Variants in SLC4A8 observed in about 807,000 individuals in gnomAD.
SLC4A8 encodes the protein electroneutral sodium bicarbonate exchanger 1.
In SLC4A8, 40 loss-of-function variants were observed where a neutral mutation model predicts 125.0. The ratio of observed to expected loss-of-function variants is 0.32; its 90% confidence interval spans 0.25 to 0.42. The LOEUF is 0.42. Ranked by LOEUF, SLC4A8 falls within the 10% of genes least tolerant of loss-of-function variation. The pLI is 1.00. For synonymous variants in SLC4A8, 456 were observed against 476.0 expected, an observed-to-expected ratio of 0.96 and a Z score of 0.55; for missense variants, 863 against 1,355.1, an observed-to-expected ratio of 0.64 and a Z score of 5.70.
chr12:51,395,280 A>G (rs1467539290), intron 1 of SLC4A8, among the ~76,000 whole-genome samples: 1 of 151,864 alleles, frequency 6.6e-6, no homozygotes, highest in Non-Finnish European at 1.5e-5. Context: ...ACATGTCTAG[A>G]TTCTGTTAAC....
rs1406079772 is a variant in SLC4A8 at position 51,508,371 on chromosome 12, A to G, written c.*933A>G. ...GATTTGATAATAGTTGTTTGTGAATAGAAAGGAGGATATGATGTTTTTATT... is the reference window on the plus strand; with the variant it reads ...GATTTGATAATAGTTGTTTGTGAATGGAAAGGAGGATATGATGTTTTTATT... On this transcript the variant is annotated 3_prime_UTR_variant, in exon 25 of 25. Coordinates refer to ENST00000453097, the MANE Select transcript of SLC4A8 (RefSeq NM_001039960.3). 1 of 152,674 alleles carries G rather than the reference A, an allele frequency of 6.5e-6. No individual in the cohort carries two copies. The highest frequency in any genetic ancestry group is 6.5e-5 in the Admixed American group (1 of 15,284). The allele number at this position is 152,674 out of a possible 1,614,324, so 9.5% of individuals were successfully genotyped here. A position where few individuals can be genotyped will look rare whatever the true frequency, so the allele number is the denominator to read the frequency against.
At chr12:51,442,369 C>T (rs1949628015) in intron 2 of SLC4A8, among the ~76,000 whole-genome samples, 1 of 152,208 alleles carries the variant, frequency 6.6e-6, no homozygotes. Flanking sequence ...TGTTCTATAG[C>T]AAGCACCACT....
chr12:51,394,717 C>A (rs758739269), intron 1 of SLC4A8, among the ~76,000 whole-genome samples: 2 of 152,140 alleles, frequency 1.3e-5, no homozygotes, highest in African/African-American at 2.4e-5. Flanking sequence ...GGGAGAAGAT[C>A]AAAAACTACC....
chr12:51,416,881 T>C (rs1196589315), intron 1 of SLC4A8, among the ~76,000 whole-genome samples: 3 of 152,132 alleles, frequency 2.0e-5, no homozygotes, highest in Non-Finnish European at 4.4e-5. Context: ...TCCCAGCACA[T>C]TGGGAGGCCA....
chr12:51,467,147 G>T (rs951218264), intron 11 of SLC4A8, among the ~76,000 whole-genome samples: 2 of 152,140 alleles, frequency 1.3e-5, no homozygotes, highest in Admixed American at 1.3e-4. Context: ...ATTGCTGCCT[G>T]CAAGGTTATT....
At position 51,505,910 on chromosome 12, in the gene SLC4A8, T is replaced by G. The variant is rs772545299; in HGVS notation, c.3249T>G (p.Ser1083=). The part of the protein sequence containing the change: ...TTVWKALSMN[S]GNAKEKSLFN ...TTTGGAAAGCTCTCAGTATGAATTC[T>G]GGAAATGCAAAGGAAAAGAGGTAAA... The change falls in exon 24 of 25, where the codon TCT becomes TCG. Residue 1083 remains serine, a synonymous_variant. Coordinates refer to ENST00000453097, the MANE Select transcript of SLC4A8 (RefSeq NM_001039960.3). 35 of 1,557,642 alleles carry G rather than the reference T, an allele frequency of 2.2e-5. No homozygotes were observed. The South Asian group carries it at 3.9e-4, about 17-fold the overall frequency.
intron 22 of SLC4A8, chr12:51,497,578 T>C: frequency 6.5e-6 from 1 of 154,810 alleles, no homozygotes; most frequent in Non-Finnish European, 1.4e-5. Context: ...CTTGGCATCT[T>C]GTCATCTACA....
At chr12:51,444,086 T>C (rs954248875) in intron 2 of SLC4A8, among the ~76,000 whole-genome samples, 1 of 152,158 alleles carries the variant, frequency 6.6e-6, no homozygotes, top group African/African-American at 2.4e-5. Flanking sequence ...GAAAAAAGAA[T>C]GACGAGTTAG....
At chr12:51,455,545 A>C (rs1257245946) in intron 5 of SLC4A8, among the ~76,000 whole-genome samples, 1 of 152,138 alleles carries the variant, frequency 6.6e-6, no homozygotes, top group Non-Finnish European at 1.5e-5. Flanking sequence ...GAGATATCTG[A>C]TTGTTCTTCC....
chr12:51,400,775 TATACATACATACACACAC>T (rs1293746430), intron 1 of SLC4A8, among the ~76,000 whole-genome samples: 1 of 5,214 alleles, frequency 1.9e-4, no homozygotes, highest in African/African-American at 7.0e-4. Flanking sequence ...TATATATATA[TATACATACATACACACAC>T]ACACACACAT....
At chr12:51,405,335 G>T (rs542915133) in intron 1 of SLC4A8, among the ~76,000 whole-genome samples, 2 of 152,126 alleles carry the variant, frequency 1.3e-5, no homozygotes, top group African/African-American at 2.4e-5. Flanking sequence ...TATTCCAAGC[G>T]CTTCAGGACA....
chr12:51,504,794 C>G (rs536899020), intron 23 of SLC4A8, among the ~76,000 whole-genome samples: 4 of 152,274 alleles, frequency 2.6e-5, no homozygotes, highest in South Asian at 2.1e-4. Flanking sequence ...GATTTTAGCC[C>G]CTTTCTCTAT....
At chr12:51,423,805 G>A (rs544305939), upstream of SLC4A8, among the ~76,000 whole-genome samples, 117 of 152,028 alleles carry the variant, frequency 7.7e-4, 1 homozygote, top group African/African-American at 2.7e-3. Context: ...TGGCTGAGGC[G>A]GGCAGATCAC....
intron 19 of SLC4A8, among the ~76,000 whole-genome samples, chr12:51,492,931 A>T (rs1453773326): frequency 6.6e-6 from 1 of 152,038 alleles, no homozygotes; most frequent in Non-Finnish European, 1.5e-5. Context: ...ATGAGTGAGA[A>T]CATGCAGTGT....
Position 51,508,809 on chromosome 12 carries a change from A to G in SLC4A8, c.*1371A>G, listed in dbSNP as rs1027495490. On this transcript the variant is annotated 3_prime_UTR_variant, in exon 25 of 25. Coordinates refer to ENST00000453097, the MANE Select transcript of SLC4A8 (RefSeq NM_001039960.3). ...CCATTAGCACCCAGATAATTCTATC[A>G]TGTTAGTTTCCCATCCTGGAAAATC... 6 of 152,182 alleles carry G rather than the reference A, an allele frequency of 3.9e-5. No homozygotes were observed. The highest frequency in any genetic ancestry group is 3.3e-4 in the Admixed American group (5 of 15,282). The allele number at this position is 152,182 out of a possible 1,614,324, so 9.4% of individuals were successfully genotyped here.
At chr12:51,441,781 C>T (rs373622320) in intron 2 of SLC4A8, among the ~76,000 whole-genome samples, 13 of 152,120 alleles carry the variant, frequency 8.5e-5, no homozygotes, top group African/African-American at 2.9e-4. Flanking sequence ...GAAAACTTGT[C>T]CTTTTGATGG....
At chr12:51,453,478 T>G in intron 4 of SLC4A8, 61 bp from the exon 5 acceptor site, 6 of 1,548,092 alleles carry the variant, frequency 3.9e-6, no homozygotes, top group Admixed American at 1.7e-5. Context: ...ACATCGAAGA[T>G]TCTCTCTTAA....
At chr12:51,476,195 A>T (rs910956361) in intron 16 of SLC4A8, among the ~76,000 whole-genome samples, 3 of 152,162 alleles carry the variant, frequency 2.0e-5, no homozygotes, top group African/African-American at 4.8e-5. Context: ...TAAAGAATAC[A>T]CTCATGCTGG....
intron 1 of SLC4A8, among the ~76,000 whole-genome samples, chr12:51,425,578 T>C (rs1048349076): frequency 6.6e-6 from 1 of 152,156 alleles, no homozygotes; most frequent in African/African-American, 2.4e-5. Flanking sequence ...TGAAAACTTC[T>C]GGGTAGGGAC....
Sources: allele counts gnomAD v4.1 joint callset (sites outside exome capture counted in the v4.1 genomes callset), GRCh38; gene constraint gnomAD v4.1.1; transcripts MANE v1.5; gene names NCBI Gene and HGNC (gene_info 2026-07-23, HGNC 2026-07-21).